PRUNE2: variants seen among roughly 807,000 people sequenced by gnomAD.
PRUNE2 encodes the protein prune homolog 2 with BCH domain.
PRUNE2 carries 164 observed loss-of-function variants against 252.0 expected under a neutral mutation model. That is an observed-to-expected ratio of 0.65 (90% CI 0.57 to 0.74). The LOEUF is 0.74. Among genes scored for constraint, PRUNE2 ranks in the 30% least tolerant of loss-of-function variants. PRUNE2 has a pLI of 0.00. For missense variants in PRUNE2, 3,495 were observed against 3,711.0 expected, an observed-to-expected ratio of 0.94 and a Z score of 1.51; for synonymous variants, 1,292 against 1,350.2, an observed-to-expected ratio of 0.96 and a Z score of 0.94.
rs544555540 is a variant in PRUNE2, at chr9:76,870,813, G to GGC, written c.37-16606_37-16605insGC. 6.5e-3 allele frequency among the ~76,000 whole-genome samples: 982 copies of GGC among 152,164 alleles called. 10 individuals carry two copies. Among genetic ancestry groups the GGC allele is most frequent in the African/African-American group, 0.022 (930 of 41,508 alleles). The stretch of plus-strand genomic sequence containing the variant: ...TTGACATCATCATATCCCCATAACT[G>GGC]AAGCAAATCCCCATAACTGAAGACA... On this transcript the variant is annotated intron_variant, in intron 1 of 18. Coordinates refer to ENST00000376718, the MANE Select transcript of PRUNE2 (RefSeq NM_015225.3).
intron 11 of PRUNE2, among the ~76,000 whole-genome samples, chr9:76,650,899 C>A (rs530443913): frequency 5.9e-5 from 9 of 152,154 alleles, no homozygotes; most frequent in African/African-American, 1.9e-4. Context: ...GAAGCAAATA[C>A]GGAGGCAAGA....
intron 6 of PRUNE2, among the ~76,000 whole-genome samples, chr9:76,735,408 TTTTC>T (rs1335680425): frequency 2.9e-5 from 4 of 137,520 alleles, no homozygotes; most frequent in African/African-American, 1.2e-4. Flanking sequence ...AGGAAGATAG[TTTTC>T]TTTCTTCTTT....
At chr9:76,842,401 G>A (rs375771136) in intron 4 of PRUNE2, among the ~76,000 whole-genome samples, 1 of 152,038 alleles carries the variant, frequency 6.6e-6, no homozygotes, top group African/African-American at 2.4e-5. Flanking sequence ...GAAAACCTAG[G>A]CAATATCATT....
At chr9:76,620,254 C>G (rs1831627959) in intron 17 of PRUNE2, among the ~76,000 whole-genome samples, 1 of 151,862 alleles carries the variant, frequency 6.6e-6, no homozygotes, top group Non-Finnish European at 1.5e-5. Flanking sequence ...ATTCTCCTGC[C>G]TCAGCCACCC....
At position 76,706,867 on chromosome 9, in the gene PRUNE2, A is replaced by AT. The variant is rs2046352179; in HGVS notation, c.5406dup (p.Ser1803IlefsTer12). ...TTCTTTGGGAACGAAGCTTTGGGAG[A>AT]TATTTGCCATGCAACATCTCCTGTT... On this transcript the variant is annotated frameshift_variant, in exon 8 of 19. Coordinates refer to ENST00000376718, the MANE Select transcript of PRUNE2 (RefSeq NM_015225.3). LOFTEE classifies it high-confidence loss of function. The AT allele has an allele frequency of 1.3e-6, 2 of 1,594,672 alleles. No homozygotes were observed. Among genetic ancestry groups the AT allele is most frequent in the Non-Finnish European group, 1.7e-6 (2 of 1,170,778 alleles).
At chr9:76,840,189 C>T (rs1262115867) in intron 4 of PRUNE2, among the ~76,000 whole-genome samples, 1 of 152,050 alleles carries the variant, frequency 6.6e-6, no homozygotes, top group African/African-American at 2.4e-5. Context: ...TTTTAGGCAC[C>T]CAACACTTAG....
At chr9:76,854,321 G>A (rs1199290019) in intron 1 of PRUNE2, 113 bp from the exon 2 acceptor site, 2 of 480,370 alleles carry the variant, frequency 4.2e-6, no homozygotes, top group East Asian at 6.4e-5. Context: ...CAATGGCAGA[G>A]AATCATAAAT....
chr9:76,809,594 G>C (rs2057219232), intron 6 of PRUNE2, among the ~76,000 whole-genome samples: 1 of 152,116 alleles, frequency 6.6e-6, no homozygotes. Flanking sequence ...TACTCTGGAG[G>C]CTAAGGCAGG....
intron 6 of PRUNE2, among the ~76,000 whole-genome samples, chr9:76,780,501 C>A (rs539284406): frequency 2.0e-5 from 3 of 152,118 alleles, no homozygotes; most frequent in African/African-American, 7.2e-5. Flanking sequence ...TCCTGGCTAA[C>A]ACAGTGAAAC....
At chr9:76,793,617 T>A (rs2055768881) in intron 6 of PRUNE2, among the ~76,000 whole-genome samples, 1 of 152,214 alleles carries the variant, frequency 6.6e-6, no homozygotes, top group African/African-American at 2.4e-5. Context: ...ACTCTGGGCA[T>A]CATTTGCTCA....
chr9:76,794,042 G>T (rs2055812759), intron 6 of PRUNE2, among the ~76,000 whole-genome samples: 1 of 151,934 alleles, frequency 6.6e-6, no homozygotes. Flanking sequence ...AGCCAAGCAG[G>T]TTTTTTTTAT....
intron 5 of PRUNE2, 46 bp from the exon 6 acceptor site, chr9:76,823,772 T>C (rs776144531): frequency 8.5e-7 from 1 of 1,176,706 alleles, no homozygotes; most frequent in African/African-American, 1.6e-5. Flanking sequence ...CTTGAGGGAT[T>C]TTTTTTTTGT....
At chr9:76,742,331 A>T (rs561444119) in intron 6 of PRUNE2, among the ~76,000 whole-genome samples, 72 of 152,324 alleles carry the variant, frequency 4.7e-4, no homozygotes, top group African/African-American at 1.7e-3. Context: ...GAAGAAAGTG[A>T]GGCTGGGCAT....
intron 9 of PRUNE2, among the ~76,000 whole-genome samples, chr9:76,677,125 C>T (rs1331094551): frequency 1.3e-5 from 2 of 152,196 alleles, no homozygotes; most frequent in African/African-American, 4.8e-5. Flanking sequence ...TCTATCCTTG[C>T]GTTGCAGTCT....
At chr9:76,858,075 C>A (rs111841696) in intron 1 of PRUNE2, among the ~76,000 whole-genome samples, 356 of 152,286 alleles carry the variant, frequency 2.3e-3, no homozygotes, top group African/African-American at 8.1e-3. Flanking sequence ...ACAGACAAAT[C>A]ATGCCCAAAT....
rs1041361324 is a variant in PRUNE2, at chr9:76,709,101, T to C, written c.3173A>G (p.Glu1058Gly). ...HNLDENELKT[E>G]HTDGKNISME... is the part of the protein sequence containing the mutation. ...GGAGATATTCTTACCATCTGTGTGCTCTGTCTTGAGTTCATTTTCATCCAG... is the reference window on the plus strand; with the variant it reads ...GGAGATATTCTTACCATCTGTGTGCCCTGTCTTGAGTTCATTTTCATCCAG... Residue 1058 changes from glutamate (E) to glycine (G), a missense_variant, in exon 8 of 19, where the codon GAG becomes GGG. Physicochemically the swap from Glu to Gly is moderately conservative, Grantham distance 98 (BLOSUM62 -2). Transcript: ENST00000376718. 35 of 1,613,924 alleles carry C rather than the reference T, an allele frequency of 2.2e-5. No homozygotes were observed. Among genetic ancestry groups the C allele is most frequent in the Non-Finnish European group, 3.0e-5 (35 of 1,179,904 alleles).
intron 4 of PRUNE2, among the ~76,000 whole-genome samples, chr9:76,833,812 G>A (rs1278718321): frequency 2.0e-5 from 3 of 150,072 alleles, no homozygotes; most frequent in South Asian, 2.1e-4. Flanking sequence ...GAAAGCAGAC[G>A]TCACAGTTAA....
chr9:76,651,195 A>G (rs1388939954), intron 11 of PRUNE2, among the ~76,000 whole-genome samples: 2 of 137,402 alleles, frequency 1.5e-5, no homozygotes, highest in Non-Finnish European at 3.1e-5. Flanking sequence ...ACCAAATACC[A>G]CCTGTACCCC....
chr9:76,840,742 AG>A (rs2059338339), intron 4 of PRUNE2, among the ~76,000 whole-genome samples: 2 of 152,178 alleles, frequency 1.3e-5, no homozygotes, highest in South Asian at 2.1e-4. Flanking sequence ...GCACTTTGGG[AG>A]GCTGAGGCGG....
Sources: allele counts gnomAD v4.1 joint callset (sites outside exome capture counted in the v4.1 genomes callset), GRCh38; gene constraint gnomAD v4.1.1; transcripts MANE v1.5; gene names NCBI Gene and HGNC (gene_info 2026-07-23, HGNC 2026-07-21).